Variants in KIAA1217 observed in about 807,000 individuals in gnomAD.
KIAA1217 encodes the protein sickle tail protein homolog.
KIAA1217 carries 88 observed loss-of-function variants against 163.9 expected under a neutral mutation model. That is an observed-to-expected ratio of 0.54 (90% CI 0.45 to 0.64). The LOEUF (loss-of-function observed/expected upper bound fraction) is 0.64. Ranked by LOEUF, KIAA1217 falls within the 30% of genes least tolerant of loss-of-function variation. The probability of loss-of-function intolerance (pLI) is 0.00; values close to 1 mark genes in which losing one functional copy is unlikely to be tolerated. For synonymous variants in KIAA1217, 903 were observed against 923.1 expected, an observed-to-expected ratio of 0.98 and a Z score of 0.39; for missense variants, 2,372 against 2,475.0, an observed-to-expected ratio of 0.96 and a Z score of 0.88.
chr10:24,113,293 T>C (rs979622574), intron 2 of KIAA1217, among the ~76,000 whole-genome samples: 1 of 152,154 alleles, frequency 6.6e-6, no homozygotes, highest in Admixed American at 6.5e-5. Context: ...CTTCACAATT[T>C]AAGGTTATAA....
intron 3 of KIAA1217, 131 bp downstream of exon 3, chr10:24,381,198 T>C: frequency 1.5e-6 from 1 of 669,784 alleles, no homozygotes; most frequent in Non-Finnish European, 2.2e-6. Context: ...ACTGGGAAAC[T>C]TCATTGGTTT....
chr10:24,395,281 T>C (rs12241127), intron 3 of KIAA1217, among the ~76,000 whole-genome samples: 81,208 of 152,046 alleles, frequency 0.53, 24,709 homozygotes, highest in African/African-American at 0.84. Context: ...CTCTTTCCCC[T>C]GCTGGACACC....
Position 24,532,103 on chromosome 10 carries a change from C to T in KIAA1217, c.3246+110C>T, listed in dbSNP as rs186254333. On this transcript the variant is annotated intron_variant, in intron 15 of 20. Coordinates refer to ENST00000376454, the MANE Select transcript of KIAA1217 (RefSeq NM_019590.5). ...GTAGTGAGGCAGAGAAGTAGTAACTCGACCACACAAGATCCCCAGGAAGCA... is the reference window on the plus strand; with the variant it reads ...GTAGTGAGGCAGAGAAGTAGTAACTTGACCACACAAGATCCCCAGGAAGCA... The T allele has an allele frequency of 1.1e-3, 1,069 of 1,001,336 alleles. 2 individuals are homozygous for T. Among genetic ancestry groups the T allele is most frequent in the African/African-American group, 3.5e-3 (213 of 60,168 alleles). The allele number at this position is 1,001,336 out of a possible 1,614,324, so 62.0% of individuals were successfully genotyped here. A position where few individuals can be genotyped will look rare whatever the true frequency, so the allele number is the denominator to read the frequency against.
chr10:24,161,467 G>A (rs919258261), intron 2 of KIAA1217, among the ~76,000 whole-genome samples: 1 of 152,236 alleles, frequency 6.6e-6, no homozygotes, highest in Admixed American at 6.5e-5. Flanking sequence ...TGGGCTCTAC[G>A]TCCTGAAATA....
chr10:24,046,119 G>A (rs192468030), intron 2 of KIAA1217, among the ~76,000 whole-genome samples: 297 of 150,412 alleles, frequency 2.0e-3, no homozygotes, highest in African/African-American at 6.7e-3. Context: ...ATTTATTTTA[G>A]TTATGTTTAA....
intron 5 of KIAA1217, among the ~76,000 whole-genome samples, chr10:24,446,998 T>C (rs2060989524): frequency 6.6e-6 from 1 of 152,098 alleles, no homozygotes; most frequent in African/African-American, 2.4e-5. Context: ...CACATGTCCA[T>C]GGGCCTCTCA....
chr10:24,168,632 G>A (rs1259809709), intron 2 of KIAA1217, among the ~76,000 whole-genome samples: 4 of 152,152 alleles, frequency 2.6e-5, no homozygotes, highest in Admixed American at 6.5e-5. Context: ...TGGGAAGAAC[G>A]AGCAGACTGG....
chr10:24,448,248 G>GC (rs199501780), intron 5 of KIAA1217, among the ~76,000 whole-genome samples: 2 of 151,628 alleles, frequency 1.3e-5, no homozygotes, highest in South Asian at 2.1e-4. Context: ...TTTTTGCGTG[G>GC]GGGGGGCTGG....
intron 1 of KIAA1217, among the ~76,000 whole-genome samples, chr10:23,735,755 T>G (rs1838760231): frequency 6.6e-6 from 1 of 152,188 alleles, no homozygotes; most frequent in Non-Finnish European, 1.5e-5. Context: ...ACTTTCTTTG[T>G]GATATCTTAT....
chr10:24,077,645 C>T (rs954728835), intron 2 of KIAA1217, among the ~76,000 whole-genome samples: 17 of 152,096 alleles, frequency 1.1e-4, no homozygotes, highest in Admixed American at 1.3e-4. Context: ...TGAACACACC[C>T]GTGTGTGTAT....
intron 2 of KIAA1217, among the ~76,000 whole-genome samples, chr10:24,058,109 A>C (rs562443296): frequency 1.3e-5 from 2 of 152,276 alleles, no homozygotes; most frequent in East Asian, 3.9e-4. Context: ...TTCATTTTGC[A>C]TGTGGCTATC....
At chr10:23,901,613 G>T (rs1841956422) in intron 1 of KIAA1217, among the ~76,000 whole-genome samples, 1 of 152,008 alleles carries the variant, frequency 6.6e-6, no homozygotes, top group African/African-American at 2.4e-5. Context: ...AATCAGCTAA[G>T]AACTGAAATA....
chr10:23,816,053 G>A (rs1837299895), intron 1 of KIAA1217, among the ~76,000 whole-genome samples: 1 of 152,084 alleles, frequency 6.6e-6, no homozygotes, highest in Non-Finnish European at 1.5e-5. Context: ...TCTTTCCTGT[G>A]AGGTGCCATA....
chr10:24,437,906 C>CAAAAAAAAA (rs58645832), intron 4 of KIAA1217, among the ~76,000 whole-genome samples: 6 of 63,690 alleles, frequency 9.4e-5, no homozygotes, highest in African/African-American at 2.7e-4. Flanking sequence ...TGTTTGAAGG[C>CAAAAAAAAA]AAAAAAAAAA....
intron 1 of KIAA1217, among the ~76,000 whole-genome samples, chr10:23,867,170 G>C (rs1404359937): frequency 6.6e-6 from 1 of 152,012 alleles, no homozygotes; most frequent in Non-Finnish European, 1.5e-5. Context: ...TCCCTACAAA[G>C]GACATGAACT....
chr10:23,880,644 G>T (rs910751027), intron 1 of KIAA1217, among the ~76,000 whole-genome samples: 3 of 151,946 alleles, frequency 2.0e-5, no homozygotes, highest in Non-Finnish European at 4.4e-5. Context: ...TGCTTAAGGG[G>T]ATGGCACTCT....
intron 20 of KIAA1217, 171 bp from the exon 21 acceptor site, chr10:24,545,656 G>A: frequency 7.0e-7 from 1 of 1,423,358 alleles, no homozygotes; most frequent in Non-Finnish European, 9.1e-7. Flanking sequence ...GTACATGGGG[G>A]GTTTCTACCA....
At chr10:24,494,009 T>C (rs892664472) in intron 6 of KIAA1217, among the ~76,000 whole-genome samples, 1 of 152,172 alleles carries the variant, frequency 6.6e-6, no homozygotes, top group Admixed American at 6.5e-5. Flanking sequence ...ATGTTTGTGT[T>C]GCCCCTAAGC....
rs1564545718 is a variant in KIAA1217 at position 23,934,593 on chromosome 10, ATATATATATATATGTATATATAT to A, written c.-320-72631_-320-72609del. On this transcript the variant is annotated intron_variant, in intron 1 of 18. Coordinates refer to the KIAA1217 transcript ENST00000376462. ...TATATATATATATATATATATATGT[ATATATATATATATGTATATATAT>A]ATATATATATTTTTTTTTTGAGACG... Among the ~76,000 whole-genome samples the A allele has an allele frequency of 1.2e-4, 8 of 64,918 alleles. No homozygotes were observed. In the African/African-American group the frequency reaches 1.3e-3, roughly 11 times the overall value. The allele number at this position is 64,918 out of a possible 152,430, so 42.6% of individuals were successfully genotyped here.
Sources: gnomAD v4.1 joint callset for allele counts (sites outside exome capture counted in the v4.1 genomes callset) on GRCh38, gnomAD v4.1.1 for gene constraint, MANE v1.5 for transcripts, NCBI Gene and HGNC (gene_info 2026-07-23, HGNC 2026-07-21) for gene names.